ATP8A2: variants seen among roughly 807,000 people sequenced by gnomAD.
The protein encoded by ATP8A2 is ATPase phospholipid transporting 8A2, also known as phospholipid-transporting ATPase IB.
In ATP8A2, 100 loss-of-function variants were observed where a neutral mutation model predicts 165.6. That is an observed-to-expected ratio of 0.60 (90% CI 0.51 to 0.71). The LOEUF is 0.71. ATP8A2 is among the 30% of genes least tolerant of loss of function. The pLI is 0.00. For synonymous variants in ATP8A2, 543 were observed against 548.8 expected (o/e 0.99, Z 0.15); for missense variants, 1,227 against 1,479.5 (o/e 0.83, Z 2.80).
chr13:25,756,770 G>A (rs914008009), intron 25 of ATP8A2, among the ~76,000 whole-genome samples: 1 of 152,240 alleles, frequency 6.6e-6, no homozygotes, highest in Non-Finnish European at 1.5e-5. Flanking sequence ...CAAATGGTAT[G>A]TGCGAAATCA....
intron 25 of ATP8A2, among the ~76,000 whole-genome samples, chr13:25,739,019 G>A (rs573817653): frequency 1.8e-4 from 28 of 152,340 alleles, no homozygotes; most frequent in Middle Eastern, 3.4e-3. Flanking sequence ...TGGGAGGCAC[G>A]ACTGAGAGAT....
chr13:25,646,277 T>TAAAA (rs1304454853), intron 24 of ATP8A2, among the ~76,000 whole-genome samples: 1 of 152,186 alleles, frequency 6.6e-6, no homozygotes, highest in African/African-American at 2.4e-5. Flanking sequence ...TATCTTTTTC[T>TAAAA]ATCTCTTCAC....
At chr13:25,788,527 T>G (rs1398023175) in intron 27 of ATP8A2, among the ~76,000 whole-genome samples, 2 of 152,170 alleles carry the variant, frequency 1.3e-5, no homozygotes, top group Non-Finnish European at 2.9e-5. Context: ...AAGCCCTGTC[T>G]TCCAGGTGGC....
intron 1 of ATP8A2, among the ~76,000 whole-genome samples, chr13:25,392,600 A>G (rs938566542): frequency 6.6e-6 from 1 of 152,190 alleles, no homozygotes; most frequent in Non-Finnish European, 1.5e-5. Context: ...TAACTAATTA[A>G]ATTATTGTAA....
intron 1 of ATP8A2, among the ~76,000 whole-genome samples, chr13:25,432,589 T>C (rs146344485): frequency 6.6e-6 from 1 of 152,234 alleles, no homozygotes; most frequent in Non-Finnish European, 1.5e-5. Flanking sequence ...TCAGAGCTCC[T>C]AGGCAAGGGC....
chr13:25,723,280 A>C (rs1323400944), intron 25 of ATP8A2, among the ~76,000 whole-genome samples: 2 of 152,190 alleles, frequency 1.3e-5, no homozygotes, highest in Non-Finnish European at 2.9e-5. Flanking sequence ...GAGTTTATAA[A>C]AATTTCCTTA....
intron 25 of ATP8A2, among the ~76,000 whole-genome samples, chr13:25,712,190 A>G (rs2043171732): frequency 6.6e-6 from 1 of 152,194 alleles, no homozygotes; most frequent in African/African-American, 2.4e-5. Flanking sequence ...TGCTTCAACC[A>G]GATGTATTTA....
At chr13:25,697,939 C>A (rs2042868696) in intron 24 of ATP8A2, among the ~76,000 whole-genome samples, 1 of 152,142 alleles carries the variant, frequency 6.6e-6, no homozygotes, top group Non-Finnish European at 1.5e-5. Context: ...TTTTCTGGAA[C>A]CTGTTTCTCA....
intron 24 of ATP8A2, among the ~76,000 whole-genome samples, chr13:25,646,859 T>C (rs1322991227): frequency 2.0e-5 from 3 of 152,154 alleles, no homozygotes; most frequent in Admixed American, 6.5e-5. Context: ...TTTTCTGTAA[T>C]GACGTGCTTT....
intron 33 of ATP8A2, among the ~76,000 whole-genome samples, chr13:25,944,034 T>C (rs1196484584): frequency 6.6e-6 from 1 of 152,086 alleles, no homozygotes; most frequent in Non-Finnish European, 1.5e-5. Flanking sequence ...AGTAAAATAA[T>C]TAATTTATGT....
chr13:26,004,636 C>T (rs370710218), intron 35 of ATP8A2, among the ~76,000 whole-genome samples: 12 of 152,030 alleles, frequency 7.9e-5, no homozygotes, highest in African/African-American at 2.9e-4. Context: ...ATGATGTTAG[C>T]TATGGGTTTG....
At chr13:25,705,694 G>T (rs1420282855) in intron 25 of ATP8A2, among the ~76,000 whole-genome samples, 1 of 152,142 alleles carries the variant, frequency 6.6e-6, no homozygotes, top group African/African-American at 2.4e-5. Context: ...TAAAAAATTA[G>T]AAAATACAGA....
At chr13:25,445,803 A>G (rs569059609) in intron 1 of ATP8A2, among the ~76,000 whole-genome samples, 18 of 152,078 alleles carry the variant, frequency 1.2e-4, no homozygotes, top group Non-Finnish European at 1.9e-4. Context: ...GAAGACCAAG[A>G]AGGGTGATGG....
chr13:25,469,148 G>C (rs200891348), intron 2 of ATP8A2, 27 bp downstream of exon 2: 30 of 1,610,732 alleles, frequency 1.9e-5, no homozygotes, highest in Admixed American at 1.7e-5. Context: ...GGCTCGCGCG[G>C]AAGGCGGTGG....
At chr13:25,523,390 G>A (rs1049380364) in intron 2 of ATP8A2, among the ~76,000 whole-genome samples, 2 of 151,542 alleles carry the variant, frequency 1.3e-5, no homozygotes, top group East Asian at 2.0e-4. Flanking sequence ...CCACCTCAGC[G>A]ACGTCCTGAG....
intron 33 of ATP8A2, among the ~76,000 whole-genome samples, chr13:25,942,252 T>C (rs1044431670): frequency 6.6e-6 from 1 of 152,190 alleles, no homozygotes; most frequent in Non-Finnish European, 1.5e-5. Flanking sequence ...AGAAATGCCA[T>C]AGTGAACACT....
intron 1 of ATP8A2, among the ~76,000 whole-genome samples, chr13:25,446,940 T>C (rs2035085865): frequency 6.6e-6 from 1 of 152,170 alleles, no homozygotes; most frequent in South Asian, 2.1e-4. Context: ...ACTGCACCGT[T>C]GACCTCCCAT....
In ATP8A2 at chr13:25,839,619, A is replaced by C. The variant is rs201303850; in HGVS notation, c.2951A>C (p.Glu984Ala). The change falls in exon 30 of 37, where the codon GAG (glutamate) becomes GCG (alanine). Residue 984 changes from glutamate (E) to alanine (A), a missense_variant. Glu to Ala is a moderately radical substitution (Grantham distance 107). Coordinates refer to ENST00000381655, the MANE Select transcript of ATP8A2 (RefSeq NM_016529.6). ...ILFWFPMKALEHDTVLTSGHA... is the reference protein window; with the variant it reads ...ILFWFPMKALAHDTVLTSGHA... Reference sequence around the variant, plus strand: ...TTCTGGTTTCCCATGAAAGCTCTGGAGCATGGTAAGGGCTGTGTGATTTCA... The same window carrying C: ...TTCTGGTTTCCCATGAAAGCTCTGGCGCATGGTAAGGGCTGTGTGATTTCA... 16 of 1,613,356 alleles carry C rather than the reference A, an allele frequency of 9.9e-6. No homozygotes were observed. In the Admixed American group the frequency reaches 1.3e-4, roughly 13 times the overall value.
At chr13:25,461,579 T>C (rs763022883) in intron 1 of ATP8A2, among the ~76,000 whole-genome samples, 3 of 152,152 alleles carry the variant, frequency 2.0e-5, no homozygotes, top group Non-Finnish European at 4.4e-5. Flanking sequence ...AAACTACACT[T>C]ACATACTTTT....
Sources: gnomAD v4.1 joint callset for allele counts (sites outside exome capture counted in the v4.1 genomes callset) on GRCh38, gnomAD v4.1.1 for gene constraint, MANE v1.5 for transcripts, NCBI Gene and HGNC (gene_info 2026-07-23, HGNC 2026-07-21) for gene names.